TRAPPC9: variants seen among roughly 807,000 people sequenced by gnomAD.
TRAPPC9 encodes IKK2 binding protein.
In TRAPPC9, 83 loss-of-function variants were observed where a neutral mutation model predicts 124.0. The observed-to-expected ratio is 0.67, with a 90% CI of 0.56 to 0.80. TRAPPC9 has a LOEUF of 0.80. TRAPPC9 is among the 30% of genes least tolerant of loss of function. The pLI, the probability that TRAPPC9 is intolerant of heterozygous loss-of-function variation, is 0.00. For synonymous variants in TRAPPC9, 638 were observed against 617.5 expected (o/e 1.03, Z -0.49); for missense variants, 1,302 against 1,508.3 (o/e 0.86, Z 2.27).
chr8:140,172,626 C>A (rs548692474), intron 17 of TRAPPC9, among the ~76,000 whole-genome samples: 1 of 152,094 alleles, frequency 6.6e-6, no homozygotes, highest in Admixed American at 6.5e-5. Flanking sequence ...GAGCTACGAT[C>A]GCAGCAGCAG....
intron 9 of TRAPPC9, among the ~76,000 whole-genome samples, chr8:140,334,961 G>A (rs1039202401): frequency 1.3e-5 from 2 of 152,058 alleles, no homozygotes; most frequent in Non-Finnish European, 2.9e-5. Flanking sequence ...GAAAAACCAT[G>A]TGATACACTT....
At chr8:140,002,019 C>T (rs1370361075) in intron 18 of TRAPPC9, among the ~76,000 whole-genome samples, 2 of 152,058 alleles carry the variant, frequency 1.3e-5, no homozygotes, top group Admixed American at 6.5e-5. Flanking sequence ...ATGCATTCTA[C>T]CAAGCATTTC....
intron 8 of TRAPPC9, among the ~76,000 whole-genome samples, chr8:140,370,362 C>G (rs535313489): frequency 1.3e-5 from 2 of 152,184 alleles, no homozygotes; most frequent in South Asian, 4.1e-4. Flanking sequence ...TGGTCATGAA[C>G]TCCTGACCTC....
chr8:139,965,345 C>A (rs1288932852), intron 19 of TRAPPC9, among the ~76,000 whole-genome samples: 3 of 152,174 alleles, frequency 2.0e-5, no homozygotes, highest in African/African-American at 7.2e-5. Context: ...TGAAAAGCCA[C>A]CTTTTCCCCA....
chr8:140,199,264 G>C (rs945676043), intron 17 of TRAPPC9, among the ~76,000 whole-genome samples: 2 of 152,228 alleles, frequency 1.3e-5, no homozygotes, highest in Admixed American at 6.5e-5. Context: ...GGTCTCCTGG[G>C]GGGTGCTGAT....
intron 19 of TRAPPC9, among the ~76,000 whole-genome samples, chr8:139,973,455 G>T (rs1435961862): frequency 2.6e-5 from 4 of 152,206 alleles, no homozygotes. Context: ...CACACTGACC[G>T]TGAGGGTCAC....
intron 21 of TRAPPC9, among the ~76,000 whole-genome samples, chr8:139,734,838 C>T (rs981414575): frequency 6.6e-6 from 1 of 152,272 alleles, no homozygotes; most frequent in Non-Finnish European, 1.5e-5. Flanking sequence ...TCACTCTGTG[C>T]CACTGTGGGG....
In TRAPPC9 at chr8:139,910,424, C is replaced by A. The variant is rs185258598; in HGVS notation, c.2811-124G>T. ...AATCATTATCGTTAGTAATTCATAA[C>A]GGATTCATTCCAAGAAAATGAAATA... On this transcript the variant is annotated intron_variant, in intron 19 of 22. Coordinates refer to ENST00000438773, the MANE Select transcript of TRAPPC9 (RefSeq NM_001160372.4). 7.7e-6 allele frequency: 8 copies of A among 1,033,422 alleles called. No homozygotes were observed. In the African/African-American group the frequency reaches 1.3e-4, roughly 16 times the overall value. 64.0% of individuals were successfully genotyped at this position (1,033,422 alleles called of 1,614,324 possible).
chr8:139,910,784 GC>G (rs34185369), intron 19 of TRAPPC9, among the ~76,000 whole-genome samples: 99,313 of 152,002 alleles, frequency 0.65, 34,524 homozygotes, highest in African/African-American at 0.91. Flanking sequence ...CCCTCCCACA[GC>G]CCCCCCTCAG....
chr8:140,048,205 C>G (rs1003337206), intron 17 of TRAPPC9, among the ~76,000 whole-genome samples: 4 of 152,216 alleles, frequency 2.6e-5, no homozygotes, highest in Non-Finnish European at 4.4e-5. Flanking sequence ...GATGAGGCAG[C>G]CAACCACTGT....
chr8:139,755,777 G>A (rs1252937321), intron 21 of TRAPPC9, among the ~76,000 whole-genome samples: 41 of 117,426 alleles, frequency 3.5e-4, no homozygotes, highest in African/African-American at 1.3e-3. Context: ...GTTTGGGGAT[G>A]AGGACAGCAG....
chr8:140,395,702 G>C (rs1409008855), intron 7 of TRAPPC9, among the ~76,000 whole-genome samples: 1 of 152,108 alleles, frequency 6.6e-6, no homozygotes, highest in Non-Finnish European at 1.5e-5. Flanking sequence ...CTTATTATTA[G>C]TCATACTTCT....
chr8:139,864,734 C>T (rs1170777107), intron 21 of TRAPPC9, among the ~76,000 whole-genome samples: 1 of 152,198 alleles, frequency 6.6e-6, no homozygotes, highest in Non-Finnish European at 1.5e-5. Flanking sequence ...ACCGCCCTTC[C>T]CAGGGTCATT....
At chr8:140,407,877 C>T (rs1253170509) in intron 5 of TRAPPC9, among the ~76,000 whole-genome samples, 2 of 152,176 alleles carry the variant, frequency 1.3e-5, no homozygotes, top group Non-Finnish European at 2.9e-5. Context: ...CCAACTCGAC[C>T]TCCCAAAGTG....
At chr8:140,261,773 C>T (rs1430146704) in intron 15 of TRAPPC9, among the ~76,000 whole-genome samples, 1 of 152,118 alleles carries the variant, frequency 6.6e-6, no homozygotes, top group Non-Finnish European at 1.5e-5. Context: ...ACTGTGAATG[C>T]CCGCCCACCA....
rs947016309 is a variant in TRAPPC9, at chr8:140,365,983, T to C, written c.1351+4981A>G. ...TTCCCCTCTATGTGGCCATGTGTTCTCATAATTTAGCTCCCACTTATAAGT... is the reference window on the plus strand; with the variant it reads ...TTCCCCTCTATGTGGCCATGTGTTCCCATAATTTAGCTCCCACTTATAAGT... On this transcript the variant is annotated intron_variant, in intron 8 of 22. Coordinates refer to ENST00000438773, the MANE Select transcript of TRAPPC9 (RefSeq NM_001160372.4). 8.5e-5 allele frequency among the ~76,000 whole-genome samples: 13 copies of C among 152,338 alleles called. No individual in the cohort carries two copies. The East Asian group carries it at 2.5e-3, about 29-fold the overall frequency.
rs969812886 is a variant in TRAPPC9 at position 139,825,851 on chromosome 8, C to T, written c.3055+60028G>A. Among the ~76,000 whole-genome samples, 6 of 152,204 alleles carry T rather than the reference C, an allele frequency of 3.9e-5. No individual in the cohort carries two copies. Among genetic ancestry groups the T allele is most frequent in the Admixed American group, 3.3e-4 (5 of 15,296 alleles). On this transcript the variant is annotated intron_variant, in intron 21 of 22. Transcript: ENST00000438773. This position sits in a 1 kb window ranked among gnomAD's most constrained non-coding sequence, Gnocchi z 4.6. ...AACGCCCAAGGATTTCCAGGGCTTC[C>T]TCACCCATGGGTTCCTGAATCAGAA...
chr8:140,151,691 C>A lies in TRAPPC9; in HGVS notation c.2556+69768G>T, dbSNP rs141535695. Among the ~76,000 whole-genome samples, 45 of 152,294 alleles carry A rather than the reference C, an allele frequency of 3.0e-4. No individual in the cohort carries two copies. In the East Asian group the frequency reaches 8.7e-3, roughly 29 times the overall value. On this transcript the variant is annotated intron_variant, in intron 17 of 22. Transcript: ENST00000438773. ...GGTGCTGAGGGTTAAGAGTTCAACA[C>A]AGGAATGCGGTGGGAATGTCATTCA...
rs555307159 is a variant in TRAPPC9, at chr8:140,181,437, GTTTGT to G, written c.2556+40017_2556+40021del. 1.2e-4 allele frequency among the ~76,000 whole-genome samples: 19 copies of G among 152,102 alleles called. No individual in the cohort carries two copies. The East Asian group carries it at 1.6e-3, about 12-fold the overall frequency. ...CAAGACGTCCAGTTAAGTTTTGTTG[GTTTGT>G]TTTGTTTTGTTTTGTTTTTTGTATT... On this transcript the variant is annotated intron_variant, in intron 17 of 22. Transcript: ENST00000438773.
Sources: allele counts gnomAD v4.1 joint callset (sites outside exome capture counted in the v4.1 genomes callset), GRCh38; gene constraint gnomAD v4.1.1; non-coding constraint Gnocchi (gnomAD v3.1); transcripts MANE v1.5; gene names NCBI Gene and HGNC (gene_info 2026-07-23, HGNC 2026-07-21).